SNX29: variants seen among roughly 807,000 people sequenced by gnomAD.
The protein encoded by SNX29 is sorting nexin 29.
A neutral mutation model predicts 102.1 loss-of-function variants in SNX29; 78 were observed. That is an observed-to-expected ratio of 0.76 (90% CI 0.64 to 0.92). The LOEUF (loss-of-function observed/expected upper bound fraction) is 0.92. SNX29 is among the 40% of genes least tolerant of loss of function. The probability of loss-of-function intolerance (pLI) is 0.00; values close to 1 mark genes in which losing one functional copy is unlikely to be tolerated. For missense variants in SNX29, 1,280 were observed against 1,061.7 expected, an observed-to-expected ratio of 1.21 and a Z score of -2.86; for synonymous variants, 580 against 414.5, an observed-to-expected ratio of 1.40 and a Z score of -4.85.
intron 16 of SNX29, among the ~76,000 whole-genome samples, chr16:12,357,744 A>G (rs2082180478): frequency 6.6e-6 from 1 of 152,010 alleles, no homozygotes. Flanking sequence ...TTGTTCCTCT[A>G]TGAATCCACT....
At chr16:12,535,821 C>G (rs1330325900) in intron 20 of SNX29, among the ~76,000 whole-genome samples, 5 of 152,192 alleles carry the variant, frequency 3.3e-5, no homozygotes, top group Admixed American at 2.0e-4. Context: ...CTTGCCGCCA[C>G]TTTGGCCTCT....
chr16:12,393,974 CAT>C (rs1045030868), intron 16 of SNX29, among the ~76,000 whole-genome samples: 43 of 152,352 alleles, frequency 2.8e-4, no homozygotes, highest in African/African-American at 9.1e-4. Context: ...GAACTCAAAA[CAT>C]GTGCATTTCT....
intron 8 of SNX29, among the ~76,000 whole-genome samples, chr16:12,059,788 A>G (rs1252027142): frequency 6.6e-6 from 1 of 152,206 alleles, no homozygotes; most frequent in African/African-American, 2.4e-5. Context: ...ATTTTAGAGT[A>G]GCTCTAACAT....
At chr16:12,232,185 C>T (rs910080835) in intron 14 of SNX29, among the ~76,000 whole-genome samples, 3 of 152,062 alleles carry the variant, frequency 2.0e-5, no homozygotes, top group Admixed American at 1.3e-4. Context: ...GGCTTATGGC[C>T]ATTAAGGGGG....
chr16:12,357,354 A>G (rs867202405), intron 16 of SNX29, among the ~76,000 whole-genome samples: 11 of 152,226 alleles, frequency 7.2e-5, no homozygotes, highest in Admixed American at 2.0e-4. Context: ...AAAAAAATAC[A>G]ATATCCTTAT....
chr16:12,078,904 C>G lies in SNX29; in HGVS notation c.1391C>G (p.Ser464Cys). Residue 464 changes from serine to cysteine, a missense_variant, in exon 11 of 21, where the codon TCC becomes TGC. Coordinates refer to ENST00000566228, the MANE Select transcript of SNX29 (RefSeq NM_032167.5). ...TTACCTTCTGCCTCAGTGCCAGAGT[C>G]CATGACAATTAGTAAGTACTTTCGC... Reference protein sequence around the residue: ...SLLPSASVPESMTISELRQAT... With the variant: ...SLLPSASVPECMTISELRQAT... 2 of 1,603,196 alleles carry G rather than the reference C, an allele frequency of 1.2e-6. No homozygotes were observed. The highest frequency in any genetic ancestry group is 1.7e-6 in the Non-Finnish European group (2 of 1,175,058).
At chr16:12,465,400 C>G (rs1396865684) in intron 18 of SNX29, among the ~76,000 whole-genome samples, 1 of 152,050 alleles carries the variant, frequency 6.6e-6, no homozygotes, top group Admixed American at 6.6e-5. Flanking sequence ...TGGTGTAAGA[C>G]AAGGCTCTAA....
chr16:12,547,734 C>T (rs1007318359), intron 20 of SNX29, among the ~76,000 whole-genome samples: 2 of 152,110 alleles, frequency 1.3e-5, no homozygotes, highest in Non-Finnish European at 2.9e-5. Flanking sequence ...CATCACTGCC[C>T]CTCTAAGCCT....
At chr16:12,373,907 C>G (rs954773710) in intron 16 of SNX29, 1 of 152,208 alleles carries the variant, frequency 6.6e-6, no homozygotes, top group South Asian at 2.1e-4. Flanking sequence ...ATATGTTGCC[C>G]GCCTCTGGTT....
At chr16:12,205,842 C>T (rs926592319) in intron 14 of SNX29, among the ~76,000 whole-genome samples, 3 of 152,230 alleles carry the variant, frequency 2.0e-5, no homozygotes, top group Admixed American at 6.5e-5. Flanking sequence ...CATGTCTTTT[C>T]CCCTGCTGTG....
chr16:12,332,601 C>T (rs2081324288), intron 15 of SNX29, among the ~76,000 whole-genome samples: 1 of 152,156 alleles, frequency 6.6e-6, no homozygotes, highest in South Asian at 2.1e-4. Flanking sequence ...TGAGCTCCCC[C>T]GAGGTCCATG....
chr16:12,223,280 C>T (rs1218753999), intron 14 of SNX29, among the ~76,000 whole-genome samples: 3 of 152,172 alleles, frequency 2.0e-5, no homozygotes, highest in Non-Finnish European at 4.4e-5. Context: ...AATCCCAGAA[C>T]TTTGGGAGGC....
chr16:12,407,289 T>G (rs7203445), intron 18 of SNX29, among the ~76,000 whole-genome samples: 5 of 152,162 alleles, frequency 3.3e-5, no homozygotes, highest in African/African-American at 1.2e-4. Flanking sequence ...GCTGGGGTCA[T>G]TGCCTTTGGC....
chr16:12,196,250 C>G (rs956933167), intron 13 of SNX29, among the ~76,000 whole-genome samples: 1 of 152,074 alleles, frequency 6.6e-6, no homozygotes, highest in Non-Finnish European at 1.5e-5. Context: ...GCATGAGCCA[C>G]CACGCCTGGT....
At chr16:12,210,916 C>T (rs2077167655) in intron 14 of SNX29, among the ~76,000 whole-genome samples, 1 of 152,172 alleles carries the variant, frequency 6.6e-6, no homozygotes, top group Non-Finnish European at 1.5e-5. Flanking sequence ...CTCCCCACTG[C>T]TTGAAATAAC....
chr16:12,542,674 G>GA lies in SNX29; in HGVS notation c.2318+17835dup, dbSNP rs766601727. On this transcript the variant is annotated intron_variant, in intron 20 of 20. Transcript: ENST00000566228. The stretch of plus-strand genomic sequence containing the variant: ...CTTGTGTTTGAAGGCAGCGTGTTGG[G>GA]AACATGGACTTTGGGGCCAGGCTGG... 5.1e-4 allele frequency among the ~76,000 whole-genome samples: 78 copies of GA among 152,210 alleles called. 1 individual carries two copies. The highest frequency in any genetic ancestry group is 2.5e-3 in the Admixed American group (38 of 15,302).
At chr16:12,350,694 C>A (rs937401454) in intron 15 of SNX29, among the ~76,000 whole-genome samples, 3 of 152,182 alleles carry the variant, frequency 2.0e-5, no homozygotes, top group African/African-American at 7.2e-5. Flanking sequence ...GGGAATGGCC[C>A]AACTGCCGTT....
intron 18 of SNX29, among the ~76,000 whole-genome samples, chr16:12,444,032 G>A (rs2085929569): frequency 2.6e-5 from 4 of 151,738 alleles, no homozygotes; most frequent in Admixed American, 6.6e-5. Flanking sequence ...TAAGCACTCA[G>A]TATAGCACCT....
rs1002550323 is a variant in SNX29, at chr16:12,568,739, C to G, written c.*110C>G. 4.8e-6 allele frequency: 7 copies of G among 1,450,846 alleles called. No homozygotes were observed. Among genetic ancestry groups the G allele is most frequent in the Non-Finnish European group, 6.4e-6 (7 of 1,087,670 alleles). The allele number at this position is 1,450,846 out of a possible 1,614,324, so 89.9% of individuals were successfully genotyped here. ...GTGACAACCACGTCCACCTGGTGAT[C>G]CTGAGAGCACACGATTCCCAACAGT... is the stretch of plus-strand genomic sequence containing the variant. On this transcript the variant is annotated 3_prime_UTR_variant, in exon 21 of 21. Coordinates refer to ENST00000566228, the MANE Select transcript of SNX29 (RefSeq NM_032167.5).
Sources: gnomAD v4.1 joint callset for allele counts (sites outside exome capture counted in the v4.1 genomes callset) on GRCh38, gnomAD v4.1.1 for gene constraint, MANE v1.5 for transcripts, NCBI Gene and HGNC (gene_info 2026-07-23, HGNC 2026-07-21) for gene names.